USP13: variants seen among roughly 807,000 people sequenced by gnomAD.
The protein encoded by USP13 is ubiquitin carboxyl-terminal hydrolase 13.
Under a neutral mutation model 107.8 loss-of-function variants are expected in USP13, and 68 were observed. That is an observed-to-expected ratio of 0.63 (90% CI 0.52 to 0.77). The LOEUF is 0.77. USP13 is among the 30% of genes least tolerant of loss of function. The pLI, the probability that USP13 is intolerant of heterozygous loss-of-function variation, is 0.00. For missense variants in USP13, 945 were observed against 1,093.3 expected (o/e 0.86, Z 1.91); for synonymous variants, 377 against 389.5 (o/e 0.97, Z 0.38).
At chr3:179,751,865 C>T (rs559153278) in intron 13 of USP13, among the ~76,000 whole-genome samples, 3 of 152,152 alleles carry the variant, frequency 2.0e-5, no homozygotes, top group African/African-American at 4.8e-5. Flanking sequence ...GGATTACAGG[C>T]GTGCCCCAAT....
rs1007081140 is a variant in USP13, at chr3:179,787,716, C to T, written c.*3575C>T. 1 of 152,392 alleles carries T rather than the reference C, an allele frequency of 6.6e-6. No homozygotes were observed. Among genetic ancestry groups the T allele is most frequent in the African/African-American group, 2.4e-5 (1 of 41,442 alleles). 9.4% of individuals were successfully genotyped at this position (152,392 alleles called of 1,614,324 possible). Reference sequence around the variant, plus strand: ...TCCCGGGTTCAAGTGATTCTCCTGCCTCAGCTTCCCAAGTAGCTGGGATTA... The same window carrying T: ...TCCCGGGTTCAAGTGATTCTCCTGCTTCAGCTTCCCAAGTAGCTGGGATTA... On this transcript the variant is annotated 3_prime_UTR_variant, in exon 21 of 21. Coordinates refer to ENST00000263966, the MANE Select transcript of USP13 (RefSeq NM_003940.3).
At position 179,788,840 on chromosome 3, in the gene USP13, A is replaced by G. The variant is rs1462858517; in HGVS notation, c.*4699A>G. The G allele has an allele frequency of 6.6e-6, 1 of 152,164 alleles. No individual in the cohort carries two copies. The highest frequency in any genetic ancestry group is 2.4e-5 in the African/African-American group (1 of 41,402). The allele number at this position is 152,164 out of a possible 1,614,324, so 9.4% of individuals were successfully genotyped here. A position where few individuals can be genotyped will look rare whatever the true frequency, so the allele number is the denominator to read the frequency against. On this transcript the variant is annotated 3_prime_UTR_variant, in exon 21 of 21. Transcript: ENST00000263966. ...CTAAATAGACAGAAACAACACAAATATTTTTGCTGGAGTCAGGAGCACTGT... is the reference window on the plus strand; with the variant it reads ...CTAAATAGACAGAAACAACACAAATGTTTTTGCTGGAGTCAGGAGCACTGT...
chr3:179,701,655 T>C (rs976580179), intron 4 of USP13, among the ~76,000 whole-genome samples: 22 of 152,366 alleles, frequency 1.4e-4, no homozygotes, highest in African/African-American at 5.3e-4. Flanking sequence ...CTGCGGGAGC[T>C]CTGGGATTAA....
At chr3:179,683,477 A>T (rs1711748220) in intron 2 of USP13, among the ~76,000 whole-genome samples, 1 of 152,218 alleles carries the variant, frequency 6.6e-6, no homozygotes, top group Non-Finnish European at 1.5e-5. Context: ...TTACAGTTCC[A>T]TGTGGCTGGG....
At chr3:179,775,497 C>T (rs1715496768) in intron 19 of USP13, among the ~76,000 whole-genome samples, 2 of 152,260 alleles carry the variant, frequency 1.3e-5, no homozygotes, top group Non-Finnish European at 2.9e-5. Context: ...GAGCTGCCCG[C>T]CAGTTCCGCG....
chr3:179,758,323 A>C (rs1005972995), intron 16 of USP13, among the ~76,000 whole-genome samples: 2 of 152,088 alleles, frequency 1.3e-5, no homozygotes, highest in African/African-American at 2.4e-5. Flanking sequence ...AGTGATGGGC[A>C]TTTGGAATTA....
rs771576924 is a variant in USP13 at position 179,742,227 on chromosome 3, G to A, written c.1411G>A (p.Asp471Asn). Residue 471 changes from aspartate (D) to asparagine (N), a missense_variant, in exon 12 of 21, where the codon GAT becomes AAT. Coordinates refer to ENST00000263966, the MANE Select transcript of USP13 (RefSeq NM_003940.3). The surrounding 1 kb of genome is among the most constrained non-coding windows in gnomAD (Gnocchi z 5.0). The part of the protein sequence containing the change: ...RNRIGSENPS[D>N]VFRFLVEERI... ...CCGCATCGGCTCAGAAAACCCAAGC[G>A]ATGTTTTTCGTTTTTTGGTGGAAGA... is the stretch of plus-strand genomic sequence containing the variant. 2.5e-6 allele frequency: 4 copies of A among 1,614,064 alleles called. No individual in the cohort carries two copies. The East Asian group carries it at 6.7e-5, about 27-fold the overall frequency.
intron 5 of USP13, among the ~76,000 whole-genome samples, chr3:179,708,562 C>T (rs757561808): frequency 2.0e-5 from 3 of 152,054 alleles, no homozygotes; most frequent in East Asian, 1.9e-4. Context: ...TTGATGTGCC[C>T]GCCTCGGCCT....
In USP13 at chr3:179,681,961, T is replaced by G. The variant is rs771814467; in HGVS notation, c.252T>G (p.Thr84=). ...REHVERHFRK[T]GQSVYMHLKR... is the part of the protein sequence containing the mutation. ...ATGTTGAAAGACATTTTCGAAAAACTGGACAGAGTGTATACATGCACCTGA... is the reference window on the plus strand; with the variant it reads ...ATGTTGAAAGACATTTTCGAAAAACGGGACAGAGTGTATACATGCACCTGA... The change falls in exon 2 of 21, where the codon ACT becomes ACG. Residue 84 remains threonine (T), a synonymous_variant. Coordinates refer to ENST00000263966, the MANE Select transcript of USP13 (RefSeq NM_003940.3). The G allele has an allele frequency of 2.5e-6, 4 of 1,613,966 alleles. No homozygotes were observed. In the African/African-American group the frequency reaches 5.3e-5, roughly 22 times the overall value.
intron 8 of USP13, among the ~76,000 whole-genome samples, chr3:179,725,631 T>C (rs1408716334): frequency 1.3e-5 from 2 of 152,198 alleles, no homozygotes; most frequent in East Asian, 3.8e-4. Flanking sequence ...TAGGGTTTCA[T>C]TGCAAAAATG....
chr3:179,737,236 T>C (rs1243934015), intron 10 of USP13, among the ~76,000 whole-genome samples: 1 of 152,166 alleles, frequency 6.6e-6, no homozygotes, highest in Non-Finnish European at 1.5e-5. Flanking sequence ...TGGAGAGATT[T>C]TTTAGCTTTG....
chr3:179,693,664 CTTTG>C (rs897812804), intron 3 of USP13, among the ~76,000 whole-genome samples: 2 of 151,886 alleles, frequency 1.3e-5, no homozygotes, highest in Non-Finnish European at 2.9e-5. Context: ...ACACTAGTAA[CTTTG>C]TTTATTTATT....
intron 1 of USP13, 36 bp from the exon 2 acceptor site, chr3:179,681,842 T>C (rs1711667109): frequency 6.2e-7 from 1 of 1,601,598 alleles, no homozygotes; most frequent in Non-Finnish European, 8.5e-7. Flanking sequence ...CTGGGCTAGG[T>C]GTCGTCGGCT....
chr3:179,737,824 G>A (rs566475147), intron 10 of USP13, among the ~76,000 whole-genome samples: 2 of 152,290 alleles, frequency 1.3e-5, no homozygotes, highest in South Asian at 2.1e-4. Context: ...TCTGTTGTCC[G>A]TAAGCTCCTA....
intron 19 of USP13, among the ~76,000 whole-genome samples, chr3:179,768,156 T>C (rs756117780): frequency 3.3e-5 from 5 of 152,254 alleles, no homozygotes; most frequent in African/African-American, 7.2e-5. Flanking sequence ...TTTTCCATAA[T>C]GGGCATTTCC....
intron 8 of USP13, among the ~76,000 whole-genome samples, chr3:179,725,954 C>A (rs1311623460): frequency 3.9e-5 from 6 of 152,186 alleles, no homozygotes; most frequent in African/African-American, 1.4e-4. Flanking sequence ...CACAGGGTCC[C>A]TCCCACCACA....
intron 10 of USP13, among the ~76,000 whole-genome samples, chr3:179,732,449 C>T (rs182593638): frequency 2.6e-5 from 4 of 152,222 alleles, no homozygotes; most frequent in Admixed American, 6.5e-5. Context: ...AGCTGGGAGT[C>T]GGACTCAGGA....
At chr3:179,693,272 C>T (rs1444503352) in intron 3 of USP13, among the ~76,000 whole-genome samples, 1 of 152,034 alleles carries the variant, frequency 6.6e-6, no homozygotes, top group African/African-American at 2.4e-5. Context: ...CCTCAGCCTC[C>T]CAAGTAGCTG....
At chr3:179,664,884 T>G (rs892195183) in intron 1 of USP13, among the ~76,000 whole-genome samples, 6 of 152,022 alleles carry the variant, frequency 3.9e-5, no homozygotes, top group Admixed American at 3.9e-4. Flanking sequence ...GGTCAGGAGT[T>G]CAAGATCAGC....
Sources: gnomAD v4.1 joint callset for allele counts (sites outside exome capture counted in the v4.1 genomes callset) on GRCh38, gnomAD v4.1.1 for gene constraint, Gnocchi (gnomAD v3.1) non-coding constraint, MANE v1.5 for transcripts, NCBI Gene and HGNC (gene_info 2026-07-23, HGNC 2026-07-21) for gene names.